The following NLE1 variants were observed in gnomAD, a reference collection of about 807,000 sequenced individuals.
NLE1 encodes notchless homolog 1.
Under a neutral mutation model 62.8 loss-of-function variants are expected in NLE1, and 37 were observed. That is an observed-to-expected ratio of 0.59 (90% CI 0.45 to 0.78). The LOEUF (loss-of-function observed/expected upper bound fraction) is 0.78, where lower values mean the gene tolerates loss of function less well. NLE1 is among the 30% of genes least tolerant of loss of function. The probability of loss-of-function intolerance (pLI) is 0.00; values close to 1 mark genes in which losing one functional copy is unlikely to be tolerated. For synonymous variants in NLE1, 243 were observed against 253.0 expected (o/e 0.96, Z 0.37); for missense variants, 555 against 637.9 (o/e 0.87, Z 1.40).
rs1293909956 is a variant in NLE1 at position 35,140,052 on chromosome 17, T to C, written c.177A>G (p.Pro59=). 2 of 1,613,188 alleles carry C rather than the reference T, an allele frequency of 1.2e-6. No homozygotes were observed. The highest frequency in any genetic ancestry group is 2.7e-5 in the African/African-American group (2 of 74,874). The change falls in exon 3 of 13, where the codon CCA becomes CCG. Residue 59 remains proline, a synonymous_variant. Transcript: ENST00000442241. ...CAGCATCGTGGACAAAGAAAGCCAG[T>C]GGCAGGGGATCCTCCTGAAGGACAA... ...NALLAQEDPL[P]LAFFVHDAEI...
intron 10 of NLE1, chr17:35,134,898 A>G (rs959640711): frequency 5.3e-6 from 2 of 378,448 alleles, no homozygotes; most frequent in South Asian, 2.0e-5. Flanking sequence ...CTAAAAATAC[A>G]AAAATTAGCC....
rs775892499 is a variant in NLE1 at position 35,140,101 on chromosome 17, A to G, written c.163-35T>C. 70 of 1,601,656 alleles carry G rather than the reference A, an allele frequency of 4.4e-5. No individual in the cohort carries two copies. The East Asian group carries it at 1.3e-3, about 29-fold the overall frequency. On this transcript the variant is annotated intron_variant, in intron 2 of 12. Transcript: ENST00000442241. ...AATGGTAAAGGACAAACCCGCAACA[A>G]TGGATGTGCAGGGGCACCCTCTGCC...
At position 35,129,266 on chromosome 17, in the gene NLE1, T is replaced by G; in HGVS notation, c.*3171A>C. 2.2e-6 allele frequency: 2 copies of G among 912,332 alleles called. No individual in the cohort carries two copies. The highest frequency in any genetic ancestry group is 1.7e-6 in the Non-Finnish European group (1 of 597,040). 56.5% of individuals were successfully genotyped at this position (912,332 alleles called of 1,614,324 possible). Reference sequence around the variant, plus strand: ...ATGCTTCGGGGCAGGGGTTCCACACTCAGTGCTGCAGTACCTTGCACCTTC... The same window carrying G: ...ATGCTTCGGGGCAGGGGTTCCACACGCAGTGCTGCAGTACCTTGCACCTTC... On this transcript the variant is annotated 3_prime_UTR_variant, in exon 13 of 13. Transcript: ENST00000442241.
Position 35,137,877 on chromosome 17 carries a change from C to A in NLE1, c.474G>T (p.Trp158Cys), listed in dbSNP as rs775257634. The A allele has an allele frequency of 1.2e-6, 2 of 1,612,788 alleles. No individual in the cohort carries two copies. Among genetic ancestry groups the A allele is most frequent in the Non-Finnish European group, 1.7e-6 (2 of 1,179,076 alleles). Reference sequence around the variant, plus strand: ...CTGGAGACCAGGATATACTAAGGACCCAGTGTCTGTGTCCTAAGAAAGCAG... The same window carrying A: ...CTGGAGACCAGGATATACTAAGGACACAGTGTCTGTGTCCTAAGAAAGCAG... ...PHFTCKGHRHWVLSISWSPDG... is the reference protein window; with the variant it reads ...PHFTCKGHRHCVLSISWSPDG... The change falls in exon 5 of 13, where the codon TGG becomes TGT. Residue 158 changes from tryptophan (W) to cysteine (C), a missense_variant. Physicochemically the swap from Trp to Cys is radical, Grantham distance 215. Transcript: ENST00000442241.
intron 9 of NLE1, 78 bp downstream of exon 9, chr17:35,136,091 G>A: frequency 6.9e-7 from 1 of 1,441,388 alleles, no homozygotes; most frequent in Non-Finnish European, 9.7e-7. Context: ...CTAGAAGGGA[G>A]AAGGGTCTGA....
Position 35,131,819 on chromosome 17 carries a change from A to G in NLE1, c.*618T>C, listed in dbSNP as rs2142498142. On this transcript the variant is annotated 3_prime_UTR_variant, in exon 13 of 13. Coordinates refer to ENST00000442241, the MANE Select transcript of NLE1 (RefSeq NM_018096.5). ...GATGGAGGAACTGCACTTCTATTTC[A>G]TGCCAGCAGTCACATGTGGCCGGTG... The G allele has an allele frequency of 6.6e-6, 1 of 152,424 alleles. No individual in the cohort carries two copies. The highest frequency in any genetic ancestry group is 1.9e-4 in the East Asian group (1 of 5,188). 9.4% of individuals were successfully genotyped at this position (152,424 alleles called of 1,614,324 possible).
At position 35,133,338 on chromosome 17, in the gene NLE1, CCTCAT is replaced by C; in HGVS notation, c.1370_1374del (p.Asp457GlyfsTer5). On this transcript the variant is annotated frameshift_variant and splice_region_variant, in exon 11 of 13. Transcript: ENST00000442241. LOFTEE classifies it high-confidence loss of function. Reference sequence around the variant, plus strand: ...CTCCTTTGCCTGAGGGTTGGCCCTACCTCATCCGCGTGGCCGGGCAGGTCCATGGC... The same window carrying C: ...CTCCTTTGCCTGAGGGTTGGCCCTACCCGCGTGGCCGGGCAGGTCCATGGC... 6.2e-7 allele frequency: 1 copy of C among 1,614,248 alleles called. No homozygotes were observed. Among genetic ancestry groups the C allele is most frequent in the African/African-American group, 1.3e-5 (1 of 75,072 alleles).
chr17:35,133,004 T>C (rs1597887850), intron 12 of NLE1, among the ~76,000 whole-genome samples, 167 bp downstream of exon 12: 1 of 152,092 alleles, frequency 6.6e-6, no homozygotes, highest in Non-Finnish European at 1.5e-5. Context: ...CTCCCACTTG[T>C]GGCCCTCCCA....
Position 35,140,025 on chromosome 17 carries a change from C to T in NLE1, c.204G>A (p.Glu68=). 6.2e-7 allele frequency: 1 copy of T among 1,613,952 alleles called. No individual in the cohort carries two copies. Among genetic ancestry groups the T allele is most frequent in the South Asian group, 1.1e-5 (1 of 91,064 alleles). Residue 68 remains glutamate, a synonymous_variant, in exon 3 of 13, where the codon GAG becomes GAA. Transcript: ENST00000442241. The part of the protein sequence containing the change: ...LPLAFFVHDA[E]IVSSLGKTLE... Reference sequence around the variant, plus strand: ...ACGTCTTCCCCAGTGAGGAGACGATCTCAGCATCGTGGACAAAGAAAGCCA... The same window carrying T: ...ACGTCTTCCCCAGTGAGGAGACGATTTCAGCATCGTGGACAAAGAAAGCCA...
intron 7 of NLE1, 21 bp from the exon 8 acceptor site, chr17:35,136,518 T>G: frequency 6.2e-7 from 1 of 1,600,204 alleles, no homozygotes; most frequent in Non-Finnish European, 8.5e-7. Context: ...GCGAGTCAGG[T>G]CAGACACACA....
In NLE1 at chr17:35,132,196, C is replaced by T. The variant is rs375121061; in HGVS notation, c.*241G>A. 3.0e-5 allele frequency: 11 copies of T among 363,208 alleles called. No individual in the cohort carries two copies. Among genetic ancestry groups the T allele is most frequent in the African/African-American group, 4.2e-5 (2 of 47,672 alleles). 22.5% of individuals were successfully genotyped at this position (363,208 alleles called of 1,614,324 possible). A position where few individuals can be genotyped will look rare whatever the true frequency, so the allele number is the denominator to read the frequency against. Reference sequence around the variant, plus strand: ...CCAGCAAGGTACAGAGTAGCAGACACGGGCCAAGTTCAGTGACAACTTCCT... The same window carrying T: ...CCAGCAAGGTACAGAGTAGCAGACATGGGCCAAGTTCAGTGACAACTTCCT... On this transcript the variant is annotated 3_prime_UTR_variant, in exon 13 of 13. Coordinates refer to ENST00000442241, the MANE Select transcript of NLE1 (RefSeq NM_018096.5).
chr17:35,132,950 C>T (rs946323963), intron 12 of NLE1, among the ~76,000 whole-genome samples: 4 of 151,888 alleles, frequency 2.6e-5, no homozygotes, highest in African/African-American at 9.7e-5. Context: ...GACCTGGACG[C>T]GCCCTCTACG....
At position 35,129,716 on chromosome 17, in the gene NLE1, C is replaced by T. The variant is rs1567741741; in HGVS notation, c.*2721G>A. 6.3e-7 allele frequency: 1 copy of T among 1,578,196 alleles called. No homozygotes were observed. The highest frequency in any genetic ancestry group is 8.6e-7 in the Non-Finnish European group (1 of 1,162,810). ...GGAGAGAAGTCCAAAGCCAGGGAACCAGGGCTTTGGAGGTTGGGAACACCC... is the reference window on the plus strand; with the variant it reads ...GGAGAGAAGTCCAAAGCCAGGGAACTAGGGCTTTGGAGGTTGGGAACACCC... On this transcript the variant is annotated 3_prime_UTR_variant, in exon 13 of 13. Coordinates refer to ENST00000442241, the MANE Select transcript of NLE1 (RefSeq NM_018096.5).
intron 6 of NLE1, 40 bp downstream of exon 6, chr17:35,137,503 C>T (rs781758551): frequency 1.7e-5 from 26 of 1,520,942 alleles, no homozygotes; most frequent in Non-Finnish European, 2.3e-5. Context: ...TGGCTTTGAT[C>T]CCCTGGCTCA....
Position 35,140,033 on chromosome 17 carries a change from C to T in NLE1, c.196G>A (p.Asp66Asn), listed in dbSNP as rs144542845. Reference sequence around the variant, plus strand: ...CCCAGTGAGGAGACGATCTCAGCATCGTGGACAAAGAAAGCCAGTGGCAGG... The same window carrying T: ...CCCAGTGAGGAGACGATCTCAGCATTGTGGACAAAGAAAGCCAGTGGCAGG... ...DPLPLAFFVH[D>N]AEIVSSLGKT... is the part of the protein sequence containing the mutation. Residue 66 changes from aspartate to asparagine, a missense_variant, in exon 3 of 13, where the codon GAT (aspartate) becomes AAT (asparagine). Asp to Asn is a conservative substitution (Grantham distance 23, BLOSUM62 1). Transcript: ENST00000442241. The T allele has an allele frequency of 8.1e-4, 1,304 of 1,613,826 alleles. 8 individuals are homozygous for T. Among genetic ancestry groups the T allele is most frequent in the South Asian group, 6.8e-3 (617 of 91,058 alleles).
chr17:35,131,107 TTTC>T lies in NLE1; in HGVS notation c.*1327_*1329del, dbSNP rs2091873840. ...TAGATGTGAGGGCATGGGCTAATCA[TTTC>T]TTATGTTGTTTCCTCATCAAAAGTT... On this transcript the variant is annotated 3_prime_UTR_variant, in exon 13 of 13. Coordinates refer to ENST00000442241, the MANE Select transcript of NLE1 (RefSeq NM_018096.5). The T allele has an allele frequency of 6.6e-6, 1 of 152,244 alleles. No individual in the cohort carries two copies. The highest frequency in any genetic ancestry group is 6.5e-5 in the Admixed American group (1 of 15,272). The allele number at this position is 152,244 out of a possible 1,614,324, so 9.4% of individuals were successfully genotyped here. A position where few individuals can be genotyped will look rare whatever the true frequency, so the allele number is the denominator to read the frequency against.
chr17:35,134,991 G>T (rs755940250), intron 10 of NLE1: 26 of 562,422 alleles, frequency 4.6e-5, no homozygotes, highest in East Asian at 4.2e-4. Flanking sequence ...AGCAGAGGTT[G>T]TAATGAGCCA....
intron 4 of NLE1, 113 bp downstream of exon 4, chr17:35,139,122 C>A: frequency 1.2e-6 from 1 of 862,430 alleles, no homozygotes; most frequent in Non-Finnish European, 1.8e-6. Flanking sequence ...AAGGCTTGAG[C>A]CCAGGAGTTC....
chr17:35,133,379 G>C lies in NLE1; in HGVS notation c.1334C>G (p.Ala445Gly), dbSNP rs1312970499. Residue 445 changes from alanine (A) to glycine (G), a missense_variant, in exon 11 of 13, where the codon GCC becomes GGC. Transcript: ENST00000442241. ...GGGCAGGTCCATGGCCAGCTTCTGGGCCTTCACATCCCACACCTTCAGTGT... is the reference window on the plus strand; with the variant it reads ...GGGCAGGTCCATGGCCAGCTTCTGGCCCTTCACATCCCACACCTTCAGTGT... Reference protein sequence around the residue: ...DSTLKVWDVKAQKLAMDLPGH... With the variant: ...DSTLKVWDVKGQKLAMDLPGH... 1 of 1,614,154 alleles carries C rather than the reference G, an allele frequency of 6.2e-7. No homozygotes were observed.
Sources: allele counts gnomAD v4.1 joint callset (sites outside exome capture counted in the v4.1 genomes callset), GRCh38; gene constraint gnomAD v4.1.1; transcripts MANE v1.5; gene names NCBI Gene and HGNC (gene_info 2026-07-23, HGNC 2026-07-21).